Variants in THSD4 observed in about 807,000 individuals in gnomAD.
THSD4 encodes thrombospondin type-1 domain-containing protein 4.
A neutral mutation model predicts 119.0 loss-of-function variants in THSD4; 69 were observed. The ratio of observed to expected loss-of-function variants is 0.58; its 90% CI spans 0.48 to 0.71. The LOEUF (loss-of-function observed/expected upper bound fraction) is 0.71. Among genes scored for constraint, THSD4 ranks in the 30% least tolerant of loss-of-function variants. The pLI, the probability that THSD4 is intolerant of heterozygous loss-of-function variation, is 0.00. For missense variants in THSD4, 1,393 were observed against 1,391.1 expected, an observed-to-expected ratio of 1.00 and a Z score of -0.02; for synonymous variants, 524 against 540.4, an observed-to-expected ratio of 0.97 and a Z score of 0.42.
chr15:71,572,980 C>G (rs1278937780), intron 7 of THSD4, among the ~76,000 whole-genome samples: 2 of 152,126 alleles, frequency 1.3e-5, no homozygotes, highest in African/African-American at 4.8e-5. Flanking sequence ...AGAGGGCATA[C>G]CCTGAGAGGC....
intron 7 of THSD4, among the ~76,000 whole-genome samples, chr15:71,650,034 T>G (rs2051053227): frequency 6.6e-6 from 1 of 152,168 alleles, no homozygotes; most frequent in African/African-American, 2.4e-5. Flanking sequence ...TGGCAATCTC[T>G]CACACCTCAG....
At chr15:71,251,020 C>A (rs77940300) in intron 5 of THSD4, among the ~76,000 whole-genome samples, 1 of 152,176 alleles carries the variant, frequency 6.6e-6, no homozygotes, top group Admixed American at 6.5e-5. Flanking sequence ...TTCCCCAACT[C>A]TTTGGACAAA....
At chr15:71,172,088 G>A (rs1347229800) in intron 3 of THSD4, 3 of 152,176 alleles carry the variant, frequency 2.0e-5, no homozygotes, top group Non-Finnish European at 4.4e-5. Context: ...CACTTTGGGA[G>A]TCTGAGGTGG....
intron 7 of THSD4, among the ~76,000 whole-genome samples, chr15:71,577,360 C>T (rs564847038): frequency 6.6e-6 from 1 of 152,320 alleles, no homozygotes; most frequent in South Asian, 2.1e-4. Context: ...GGCCAGAAGA[C>T]AGGCTGTTTG....
At chr15:71,635,175 T>A (rs1207072186) in intron 7 of THSD4, among the ~76,000 whole-genome samples, 1 of 152,202 alleles carries the variant, frequency 6.6e-6, no homozygotes, top group Non-Finnish European at 1.5e-5. Context: ...TTGCAGGGAA[T>A]GTAGGACTTC....
intron 6 of THSD4, among the ~76,000 whole-genome samples, chr15:71,395,510 G>A (rs1290612091): frequency 6.6e-6 from 1 of 152,168 alleles, no homozygotes; most frequent in Non-Finnish European, 1.5e-5. Context: ...GGGAGGCCAA[G>A]GTGGGCAGAT....
chr15:71,290,875 C>CTTTTTTTTT (rs11438956), intron 6 of THSD4, among the ~76,000 whole-genome samples: 1 of 129,470 alleles, frequency 7.7e-6, no homozygotes. Context: ...TCCTTTTTTC[C>CTTTTTTTTT]TTTTTTTTTT....
chr15:71,580,162 T>C (rs191426461), intron 7 of THSD4, among the ~76,000 whole-genome samples: 71 of 152,232 alleles, frequency 4.7e-4, no homozygotes, highest in Non-Finnish European at 8.5e-4. Context: ...AGAGGAAAAT[T>C]ATTTCAGGGA....
intron 6 of THSD4, among the ~76,000 whole-genome samples, chr15:71,287,092 A>G (rs1417244118): frequency 6.6e-6 from 1 of 152,236 alleles, no homozygotes; most frequent in African/African-American, 2.4e-5. Flanking sequence ...TTCCTGTTTA[A>G]GAAGAATGAT....
intron 7 of THSD4, among the ~76,000 whole-genome samples, chr15:71,618,212 C>A (rs1260059165): frequency 6.6e-6 from 1 of 152,174 alleles, no homozygotes; most frequent in Non-Finnish European, 1.5e-5. Context: ...TGTTTAGATA[C>A]AGAAACTGCA....
chr15:71,246,615 A>G (rs1278787116), intron 5 of THSD4, among the ~76,000 whole-genome samples: 1 of 152,172 alleles, frequency 6.6e-6, no homozygotes, highest in Non-Finnish European at 1.5e-5. Flanking sequence ...TAATATTAAG[A>G]CCTATCTTAT....
intron 4 of THSD4, among the ~76,000 whole-genome samples, chr15:71,238,074 G>A (rs996218684): frequency 6.6e-6 from 1 of 151,952 alleles, no homozygotes; most frequent in Non-Finnish European, 1.5e-5. Flanking sequence ...GGCGGGGTGG[G>A]GGTGTTCCAT....
intron 7 of THSD4, among the ~76,000 whole-genome samples, chr15:71,532,452 A>G (rs1057228295): frequency 2.0e-5 from 3 of 150,932 alleles, no homozygotes; most frequent in Middle Eastern, 3.2e-3. Context: ...CTAGGATTAC[A>G]GGCACATGCT....
At chr15:71,540,241 G>A (rs1300356537) in intron 7 of THSD4, among the ~76,000 whole-genome samples, 1 of 148,922 alleles carries the variant, frequency 6.7e-6, no homozygotes, top group Non-Finnish European at 1.5e-5. Context: ...GGGTTCAAGC[G>A]ATTCTCCTGC....
At chr15:71,682,014 G>T (rs2051792684) in intron 8 of THSD4, among the ~76,000 whole-genome samples, 1 of 152,184 alleles carries the variant, frequency 6.6e-6, no homozygotes, top group Non-Finnish European at 1.5e-5. Context: ...CATGGGCACG[G>T]TCTCTCAGTA....
At chr15:71,686,857 C>G (rs2051922174) in intron 8 of THSD4, among the ~76,000 whole-genome samples, 1 of 152,164 alleles carries the variant, frequency 6.6e-6, no homozygotes, top group African/African-American at 2.4e-5. Context: ...ACTTTATTTA[C>G]AAAAGCAGGT....
intron 7 of THSD4, among the ~76,000 whole-genome samples, chr15:71,565,369 G>C (rs141757148): frequency 2.0e-5 from 3 of 152,186 alleles, no homozygotes; most frequent in Non-Finnish European, 4.4e-5. Context: ...AATATTGACT[G>C]TGTAATGCAG....
chr15:71,560,124 T>G (rs955182542), intron 7 of THSD4, among the ~76,000 whole-genome samples: 10 of 152,214 alleles, frequency 6.6e-5, no homozygotes, highest in Non-Finnish European at 1.2e-4. Context: ...ATTTATTTAC[T>G]TTAGCTTAGA....
chr15:71,714,795 A>G (rs999660568), intron 8 of THSD4, among the ~76,000 whole-genome samples: 1 of 152,154 alleles, frequency 6.6e-6, no homozygotes, highest in Non-Finnish European at 1.5e-5. Flanking sequence ...AGATCATGCC[A>G]TTGCACTCCA....
Sources: allele counts gnomAD v4.1 joint callset (sites outside exome capture counted in the v4.1 genomes callset), GRCh38; gene constraint gnomAD v4.1.1; transcripts MANE v1.5; gene names NCBI Gene and HGNC (gene_info 2026-07-23, HGNC 2026-07-21).